The following PSMD2 variants were observed in gnomAD, a reference collection of about 807,000 sequenced individuals.
PSMD2 encodes 26S proteasome non-ATPase regulatory subunit 2.
PSMD2 carries 8 observed loss-of-function variants against 101.5 expected under a neutral mutation model. The ratio of observed to expected loss-of-function variants is 0.08; its 90% CI spans 0.05 to 0.14. The LOEUF (loss-of-function observed/expected upper bound fraction) is 0.14. Ranked by LOEUF, PSMD2 falls within the 10% of genes least tolerant of loss-of-function variation. The probability of loss-of-function intolerance (pLI) is 1.00; values close to 1 mark genes in which losing one functional copy is unlikely to be tolerated. For missense variants in PSMD2, 784 were observed against 1,147.4 expected, an observed-to-expected ratio of 0.68 and a Z score of 4.58; for synonymous variants, 418 against 433.8, an observed-to-expected ratio of 0.96 and a Z score of 0.45.
chr3:184,307,958 C>T lies in PSMD2; in HGVS notation c.2367C>T (p.Ser789=), dbSNP rs1306781056. 1.2e-6 allele frequency: 2 copies of T among 1,614,142 alleles called. No homozygotes were observed. Among genetic ancestry groups the T allele is most frequent in the African/African-American group, 1.3e-5 (1 of 75,042 alleles). The change falls in exon 19 of 21, where the codon AGC becomes AGT. Residue 789 remains serine (S), a synonymous_variant. Transcript: ENST00000310118. ...ACCACAGCGACCGGCAGCTTATGAGCCAGGTGGCCGTGGCTGGACTGCTCA... is the reference window on the plus strand; with the variant it reads ...ACCACAGCGACCGGCAGCTTATGAGTCAGGTGGCCGTGGCTGGACTGCTCA... The part of the protein sequence containing the change: ...CPYHSDRQLM[S]QVAVAGLLTV...
chr3:184,304,242 T>G lies in PSMD2; in HGVS notation c.1452-62T>G. On this transcript the variant is annotated intron_variant, in intron 11 of 20. Transcript: ENST00000310118. This position sits in a 1 kb window ranked among gnomAD's most constrained non-coding sequence, Gnocchi z 4.1. The stretch of plus-strand genomic sequence containing the variant: ...GTGAATGAATGACCGATTCTCCTTT[T>G]GTTCTTTTCTTGCTGCATCGTTGGG... The G allele has an allele frequency of 6.4e-7, 1 of 1,572,496 alleles. No individual in the cohort carries two copies. The highest frequency in any genetic ancestry group is 8.8e-7 in the Non-Finnish European group (1 of 1,142,296).
chr3:184,307,306 A>G, intron 16 of PSMD2, 51 bp from the exon 17 acceptor site: 4 of 1,588,718 alleles, frequency 2.5e-6, no homozygotes, highest in Non-Finnish European at 3.5e-6. Flanking sequence ...CTGTAATGGA[A>G]TTTGTTTTTA....
At chr3:184,299,548 C>G (rs908307440) in intron 1 of PSMD2, 147 bp downstream of exon 1, 11 of 1,107,990 alleles carry the variant, frequency 9.9e-6, no homozygotes, top group Middle Eastern at 6.5e-4. Context: ...CACCTTGCCT[C>G]TCTGCTCCTC....
At chr3:184,306,641 T>C in intron 15 of PSMD2, 110 bp from the exon 16 acceptor site, 1 of 1,515,946 alleles carries the variant, frequency 6.6e-7, no homozygotes, top group Non-Finnish European at 9.0e-7. Flanking sequence ...ATGTAAGGGG[T>C]AAAGGTGTTC....
At position 184,299,345 on chromosome 3, in the gene PSMD2, A is replaced by G. The variant is rs1046699477; in HGVS notation, c.79A>G (p.Lys27Glu). 25 of 1,414,824 alleles carry G rather than the reference A, an allele frequency of 1.8e-5. No individual in the cohort carries two copies. The highest frequency in any genetic ancestry group is 2.2e-5 in the Non-Finnish European group (24 of 1,088,018). The allele number at this position is 1,414,824 out of a possible 1,614,324, so 87.6% of individuals were successfully genotyped here. ...GGCGGCCCCCGGCGGCACGGACGAG[A>G]AGCCGAGCGGCAAGGAGCGGCGGGA... ...PAAAPGGTDE[K>E]PSGKERRDAG... Residue 27 changes from lysine to glutamate, a missense_variant, in exon 1 of 21, where the codon AAG becomes GAG. Transcript: ENST00000310118.
intron 3 of PSMD2, chr3:184,300,718 T>C: frequency 9.5e-7 from 1 of 1,056,570 alleles, no homozygotes; most frequent in African/African-American, 1.7e-5. Flanking sequence ...TCTTTTCTTC[T>C]ATCCCATATA....
At chr3:184,299,588 G>A in intron 1 of PSMD2, 187 bp downstream of exon 1, 1 of 869,042 alleles carries the variant, frequency 1.2e-6, no homozygotes, top group Non-Finnish European at 1.6e-6. Context: ...CACCTCCGCC[G>A]TCCCCACCAA....
At position 184,308,181 on chromosome 3, in the gene PSMD2, A is replaced by G. The variant is rs1424115762; in HGVS notation, c.2425+165A>G. On this transcript the variant is annotated intron_variant, in intron 19 of 20. Coordinates refer to ENST00000310118, the MANE Select transcript of PSMD2 (RefSeq NM_002808.5). The surrounding 1 kb of genome is among the most constrained non-coding windows in gnomAD (Gnocchi z 6.0). ...GTGACATGAGACTTTCATCACCCAC[A>G]CTTTTGATCTGGCCCAAAGAGATTT... Among the ~76,000 whole-genome samples the G allele has an allele frequency of 6.6e-6, 1 of 152,114 alleles. No individual in the cohort carries two copies. The highest frequency in any genetic ancestry group is 1.5e-5 in the Non-Finnish European group (1 of 68,030).
intron 8 of PSMD2, 75 bp downstream of exon 8, chr3:184,303,137 CA>C: frequency 6.5e-7 from 1 of 1,540,294 alleles, no homozygotes; most frequent in South Asian, 1.1e-5. Flanking sequence ...ATGGCTTGGC[CA>C]ACATGCTTAT....
intron 1 of PSMD2, chr3:184,299,614 CGTGAA>C (rs1721574906): frequency 4.2e-6 from 3 of 711,606 alleles, no homozygotes; most frequent in Non-Finnish European, 6.5e-6. Context: ...ACCACCGCCG[CGTGAA>C]GTGGACTCGG....
intron 2 of PSMD2, 60 bp downstream of exon 2, chr3:184,299,967 C>CT (rs1721589868): frequency 7.3e-6 from 11 of 1,501,622 alleles, no homozygotes; most frequent in Non-Finnish European, 9.3e-6. Context: ...TTGTTTTATT[C>CT]TTTTTTGAGG....
At position 184,299,325 on chromosome 3, in the gene PSMD2, C is replaced by T; in HGVS notation, c.59C>T (p.Ala20Val). The T allele has an allele frequency of 2.9e-6, 4 of 1,402,970 alleles. No homozygotes were observed. Among genetic ancestry groups the T allele is most frequent in the Non-Finnish European group, 2.8e-6 (3 of 1,081,956 alleles). 86.9% of individuals were successfully genotyped at this position (1,402,970 alleles called of 1,614,324 possible). A position where few individuals can be genotyped will look rare whatever the true frequency, so the allele number is the denominator to read the frequency against. The change falls in exon 1 of 21, where the codon GCC (alanine) becomes GTC (valine). Residue 20 changes from alanine to valine, a missense_variant. By Grantham distance (64) the Ala-to-Val change is moderately conservative. Transcript: ENST00000310118. ...CAGCCCCAGCAGTCTCCAGCGGCGG[C>T]CCCCGGCGGCACGGACGAGAAGCCG... ...PVQPQQSPAA[A>V]PGGTDEKPSG...
At position 184,300,198 on chromosome 3, in the gene PSMD2, AGTT is replaced by A; in HGVS notation, c.193-78_193-76del. On this transcript the variant is annotated intron_variant, in intron 2 of 20. Coordinates refer to ENST00000310118, the MANE Select transcript of PSMD2 (RefSeq NM_002808.5). ...ATAAGACACAGCATTTCCTTGGAGG[AGTT>A]GTTAAGTTAAATATCTCTGTATTAT... 3.0e-6 allele frequency: 4 copies of A among 1,332,426 alleles called. No individual in the cohort carries two copies. In the South Asian group the frequency reaches 4.1e-5, roughly 14 times the overall value. The allele number at this position is 1,332,426 out of a possible 1,614,324, so 82.5% of individuals were successfully genotyped here. A position where few individuals can be genotyped will look rare whatever the true frequency, so the allele number is the denominator to read the frequency against.
intron 3 of PSMD2, chr3:184,300,795 C>G: frequency 9.3e-6 from 4 of 430,884 alleles, no homozygotes; most frequent in Non-Finnish European, 1.3e-5. Context: ...CAACCCTAAT[C>G]CTGGAAATGT....
At chr3:184,303,096 G>A (rs1721703072) in intron 8 of PSMD2, 34 bp downstream of exon 8, 1 of 1,601,162 alleles carries the variant, frequency 6.2e-7, no homozygotes, top group Non-Finnish European at 8.6e-7. Flanking sequence ...GGATTTGGGG[G>A]ATTGTAGGTA....
At chr3:184,306,324 CA>C (rs1203270348) in intron 14 of PSMD2, 25 bp from the exon 15 acceptor site, 1 of 1,609,060 alleles carries the variant, frequency 6.2e-7, no homozygotes, top group East Asian at 2.2e-5. Flanking sequence ...CATTTCTGTC[CA>C]TTCTCCCTCA....
rs1287326408 is a variant in PSMD2, at chr3:184,307,427, C to T, written c.2105C>T (p.Pro702Leu). 5 of 1,614,008 alleles carry T rather than the reference C, an allele frequency of 3.1e-6. No individual in the cohort carries two copies. Among genetic ancestry groups the T allele is most frequent in the Non-Finnish European group, 4.2e-6 (5 of 1,179,990 alleles). Residue 702 changes from proline (P) to leucine (L), a missense_variant, in exon 17 of 21, where the codon CCA (proline) becomes CTA (leucine). Physicochemically the swap from Pro to Leu is moderately conservative, Grantham distance 98 (BLOSUM62 -3). Coordinates refer to ENST00000310118, the MANE Select transcript of PSMD2 (RefSeq NM_002808.5). ...LALALISVSN[P>L]RLNILDTLSK... ...CTGGCCCTCATCTCTGTTTCAAATC[C>T]ACGACTCAACATCCTGGATACCCTA...
At position 184,302,483 on chromosome 3, in the gene PSMD2, A is replaced by G. The variant is rs1199903844; in HGVS notation, c.818A>G (p.Asn273Ser). 2 of 1,614,074 alleles carry G rather than the reference A, an allele frequency of 1.2e-6. No individual in the cohort carries two copies. The highest frequency in any genetic ancestry group is 1.7e-5 in the Admixed American group (1 of 59,998). ...GCTCTGAGATTGGCATTGATGCTCAATGACATGGAGTTGGTAGAAGACATC... is the reference window on the plus strand; with the variant it reads ...GCTCTGAGATTGGCATTGATGCTCAGTGACATGGAGTTGGTAGAAGACATC... ...PEALRLALML[N>S]DMELVEDIFT... The change falls in exon 6 of 21, where the codon AAT (asparagine) becomes AGT (serine). Residue 273 changes from asparagine to serine, a missense_variant. This residue lies in a region of PSMD2 where 208 missense variants were observed against 301.6 expected (regional missense o/e 0.69). Transcript: ENST00000310118.
rs1353059861 is a variant in PSMD2 at position 184,304,217 on chromosome 3, G to A, written c.1452-87G>A. ...CTCTTGGTGAATGTTTGTTGAAATG[G>A]TGAATGAATGACCGATTCTCCTTTT... On this transcript the variant is annotated intron_variant, in intron 11 of 20. Coordinates refer to ENST00000310118, the MANE Select transcript of PSMD2 (RefSeq NM_002808.5). The surrounding 1 kb of genome is among the most constrained non-coding windows in gnomAD (Gnocchi z 4.1). The A allele has an allele frequency of 3.9e-6, 6 of 1,553,292 alleles. No homozygotes were observed. In the African/African-American group the frequency reaches 6.8e-5, roughly 18 times the overall value.
Sources: gnomAD v4.1 joint callset for allele counts (sites outside exome capture counted in the v4.1 genomes callset) on GRCh38, gnomAD v4.1.1 for gene constraint, gnomAD v4.1.1 regional missense constraint, Gnocchi (gnomAD v3.1) non-coding constraint, MANE v1.5 for transcripts, NCBI Gene and HGNC (gene_info 2026-07-23, HGNC 2026-07-21) for gene names.